The following LRRC1 variants were observed in gnomAD, a reference collection of about 807,000 sequenced individuals.
LRRC1 encodes the protein leucine rich repeat containing 1.
A neutral mutation model predicts 69.9 loss-of-function variants in LRRC1; 28 were observed. That is an observed-to-expected ratio of 0.40 (90% confidence interval 0.30 to 0.55). The LOEUF (loss-of-function observed/expected upper bound fraction) is 0.55, where lower values mean the gene tolerates loss of function less well. LRRC1 is among the 20% of genes least tolerant of loss of function. The pLI, the probability that LRRC1 is intolerant of heterozygous loss-of-function variation, is 0.47. For synonymous variants in LRRC1, 236 were observed against 240.2 expected (o/e 0.98, Z 0.16); for missense variants, 498 against 609.0 (o/e 0.82, Z 1.92).
At chr6:53,905,773 A>G (rs916229236) in intron 10 of LRRC1, among the ~76,000 whole-genome samples, 2 of 152,204 alleles carry the variant, frequency 1.3e-5, no homozygotes, top group African/African-American at 4.8e-5. Context: ...TGGAGACATG[A>G]GAATATTTAC....
chr6:53,841,133 C>T (rs1469559224), intron 1 of LRRC1, among the ~76,000 whole-genome samples: 12 of 152,094 alleles, frequency 7.9e-5, no homozygotes, highest in Non-Finnish European at 1.5e-5. Context: ...TGTCTCAGTC[C>T]CCTGTTTTTA....
chr6:53,919,477 T>TA (rs59865937), intron 11 of LRRC1, 21 bp from the exon 12 acceptor site: 19,946 of 1,237,502 alleles, frequency 0.016, 4 homozygotes, highest in Non-Finnish European at 0.017. Flanking sequence ...TCTCTTTTTT[T>TA]AAAAAAAAAA....
At chr6:53,922,015 C>T (rs1234621164) in intron 13 of LRRC1, among the ~76,000 whole-genome samples, 2 of 152,146 alleles carry the variant, frequency 1.3e-5, no homozygotes, top group Non-Finnish European at 2.9e-5. Context: ...AGCTAAAGAT[C>T]ATGTAACATA....
At position 53,899,794 on chromosome 6, in the gene LRRC1, C is replaced by T. The variant is rs370577799; in HGVS notation, c.690C>T (p.Asn230=). The change falls in exon 8 of 14, where the codon AAC becomes AAT. Residue 230 remains asparagine (N), a synonymous_variant. Coordinates refer to ENST00000370888, the MANE Select transcript of LRRC1 (RefSeq NM_018214.5). ...TGCTGTGTTTAGATGTCTCTGAAAA[C>T]AGGTTGGAAAGACTTCCTGAAGAAA... ...KNLLCLDVSE[N]RLERLPEEIS... 6.2e-7 allele frequency: 1 copy of T among 1,614,102 alleles called. No homozygotes were observed. The highest frequency in any genetic ancestry group is 1.3e-5 in the African/African-American group (1 of 75,048).
chr6:53,919,842 T>A (rs1168115338), intron 12 of LRRC1, among the ~76,000 whole-genome samples, 172 bp downstream of exon 12: 3 of 152,238 alleles, frequency 2.0e-5, no homozygotes, highest in Admixed American at 1.3e-4. Flanking sequence ...CCCTACATCC[T>A]TGCAGAAGAA....
rs1400448458 is a variant in LRRC1 at position 53,899,821 on chromosome 6, C to A, written c.717C>A (p.Ile239=). The change falls in exon 8 of 14, where the codon ATC becomes ATA. Residue 239 remains isoleucine, a synonymous_variant. Coordinates refer to ENST00000370888, the MANE Select transcript of LRRC1 (RefSeq NM_018214.5). ...GGTTGGAAAGACTTCCTGAAGAAATCAGTGGCCTGACTTCATTAACGGATT... is the reference window on the plus strand; with the variant it reads ...GGTTGGAAAGACTTCCTGAAGAAATAAGTGGCCTGACTTCATTAACGGATT... ...ENRLERLPEE[I]SGLTSLTDLV... 6.2e-7 allele frequency: 1 copy of A among 1,613,990 alleles called. No homozygotes were observed.
chr6:53,832,326 A>G (rs1765450212), intron 1 of LRRC1, among the ~76,000 whole-genome samples: 4 of 152,210 alleles, frequency 2.6e-5, no homozygotes, highest in South Asian at 2.1e-4. Context: ...CTTTAGGAAT[A>G]AAGACTACTT....
intron 1 of LRRC1, among the ~76,000 whole-genome samples, chr6:53,795,948 T>A (rs1330066152): frequency 6.6e-6 from 1 of 152,218 alleles, no homozygotes; most frequent in African/African-American, 2.4e-5. Context: ...CTCCGTGCTT[T>A]ATCGCGGGTG....
chr6:53,834,664 A>C (rs1331843131), intron 1 of LRRC1, among the ~76,000 whole-genome samples: 1 of 152,050 alleles, frequency 6.6e-6, no homozygotes, highest in Non-Finnish European at 1.5e-5. Flanking sequence ...GATAAAAAAA[A>C]CTCTACCTCA....
intron 2 of LRRC1, among the ~76,000 whole-genome samples, chr6:53,877,529 G>T (rs1167408219): frequency 6.6e-6 from 1 of 151,908 alleles, no homozygotes; most frequent in Non-Finnish European, 1.5e-5. Flanking sequence ...TAAACTGAAT[G>T]CCTTTAACAG....
At chr6:53,812,655 A>G (rs1222903443) in intron 1 of LRRC1, among the ~76,000 whole-genome samples, 1 of 139,512 alleles carries the variant, frequency 7.2e-6, no homozygotes, top group African/African-American at 2.7e-5. Context: ...GCGCCACTGC[A>G]CTCCAGCCTG....
At chr6:53,892,113 C>T (rs1767726098) in intron 4 of LRRC1, among the ~76,000 whole-genome samples, 1 of 149,842 alleles carries the variant, frequency 6.7e-6, no homozygotes, top group African/African-American at 2.5e-5. Flanking sequence ...ATTGACTTAC[C>T]AACTCGAGTG....
At chr6:53,818,244 C>CT (rs1275638243) in intron 1 of LRRC1, among the ~76,000 whole-genome samples, 1 of 152,068 alleles carries the variant, frequency 6.6e-6, no homozygotes, top group East Asian at 1.9e-4. Flanking sequence ...AATGATACGG[C>CT]TTTTTTGGAA....
At chr6:53,862,548 G>A (rs1479668177) in intron 2 of LRRC1, among the ~76,000 whole-genome samples, 1 of 152,144 alleles carries the variant, frequency 6.6e-6, no homozygotes, top group African/African-American at 2.4e-5. Flanking sequence ...GGTTATTTTG[G>A]TAATTGTGGC....
chr6:53,880,091 C>T (rs1423224240), intron 3 of LRRC1, among the ~76,000 whole-genome samples: 1 of 152,158 alleles, frequency 6.6e-6, no homozygotes, highest in African/African-American at 2.4e-5. Flanking sequence ...TCTGAGTCAT[C>T]TCACCCACTT....
chr6:53,895,751 T>C (rs1261080716), intron 4 of LRRC1, among the ~76,000 whole-genome samples: 1 of 152,228 alleles, frequency 6.6e-6, no homozygotes, highest in African/African-American at 2.4e-5. Context: ...GTCAAACATC[T>C]GTCACATTCC....
At chr6:53,843,313 A>G (rs1199394638) in intron 2 of LRRC1, among the ~76,000 whole-genome samples, 1 of 152,056 alleles carries the variant, frequency 6.6e-6, no homozygotes, top group African/African-American at 2.4e-5. Context: ...TTTGGCAAAA[A>G]CCCCAGGTCC....
rs546994141 is a variant in LRRC1, at chr6:53,823,747, G to C, written c.160-18363G>C. Among the ~76,000 whole-genome samples the C allele has an allele frequency of 3.3e-5, 5 of 152,068 alleles. No individual in the cohort carries two copies. The South Asian group carries it at 1.0e-3, about 32-fold the overall frequency. ...TATAAGTGAGAACATGCAATATTTG[G>C]TTTTCTCCTCCTGCATTAGTTTGCT... On this transcript the variant is annotated intron_variant, in intron 1 of 13. Transcript: ENST00000370888.
At chr6:53,842,073 A>T in intron 1 of LRRC1, 37 bp from the exon 2 acceptor site, 2 of 1,303,042 alleles carry the variant, frequency 1.5e-6, no homozygotes, top group African/African-American at 1.5e-5. Flanking sequence ...TGATACAAAC[A>T]TATGTGAAAT....
Sources: gnomAD v4.1 joint callset for allele counts (sites outside exome capture counted in the v4.1 genomes callset) on GRCh38, gnomAD v4.1.1 for gene constraint, MANE v1.5 for transcripts, NCBI Gene and HGNC (gene_info 2026-07-23, HGNC 2026-07-21) for gene names.